Variants in SYN3 observed in about 807,000 individuals in gnomAD.
SYN3 encodes synapsin III, also known as synapsin-3.
Under a neutral mutation model 65.8 loss-of-function variants are expected in SYN3, and 35 were observed. That is an observed-to-expected ratio of 0.53 (90% confidence interval 0.41 to 0.70). SYN3 has a LOEUF of 0.70. Among genes scored for constraint, SYN3 ranks in the 30% least tolerant of loss-of-function variants. The probability of loss-of-function intolerance (pLI) is 0.00; values close to 1 mark genes in which losing one functional copy is unlikely to be tolerated. For synonymous variants in SYN3, 270 were observed against 292.9 expected (o/e 0.92, Z 0.80); for missense variants, 680 against 749.0 (o/e 0.91, Z 1.08).
chr22:32,897,901 C>A (rs1175972110), intron 4 of SYN3, among the ~76,000 whole-genome samples: 1 of 152,142 alleles, frequency 6.6e-6, no homozygotes, highest in African/African-American at 2.4e-5. Context: ...CTTGCTGCAG[C>A]CTTGAACTCC....
chr22:32,914,839 A>G (rs548723454), intron 4 of SYN3, among the ~76,000 whole-genome samples: 2 of 152,160 alleles, frequency 1.3e-5, no homozygotes, highest in Non-Finnish European at 2.9e-5. Context: ...TACATGTTTG[A>G]AAACAAAGGA....
At chr22:32,983,210 G>A (rs2052421353) in intron 2 of SYN3, among the ~76,000 whole-genome samples, 2 of 152,132 alleles carry the variant, frequency 1.3e-5, no homozygotes, top group South Asian at 4.1e-4. Flanking sequence ...TTTTCCCACA[G>A]TAAGAGAGTT....
chr22:32,997,487 C>A (rs73881928), intron 2 of SYN3, among the ~76,000 whole-genome samples: 2,070 of 152,250 alleles, frequency 0.014, 50 homozygotes, highest in African/African-American at 0.047. Context: ...CAAGTCCCAG[C>A]CCAGCCCCAC....
intron 1 of SYN3, chr22:33,015,433 G>T: frequency 6.8e-6 from 2 of 295,270 alleles, no homozygotes; most frequent in South Asian, 4.2e-5. Flanking sequence ...ATGAAACAAC[G>T]CTGTTATTCA....
intron 1 of SYN3, among the ~76,000 whole-genome samples, chr22:33,048,036 C>T (rs7291280): frequency 0.081 from 12,355 of 152,012 alleles, 763 homozygotes; most frequent in East Asian, 0.29. Context: ...GAATACTGTC[C>T]GGAGGAGGCA....
intron 7 of SYN3, among the ~76,000 whole-genome samples, chr22:32,589,557 C>T (rs2059099844): frequency 6.6e-6 from 1 of 152,272 alleles, no homozygotes; most frequent in African/African-American, 2.4e-5. Context: ...AGTTTCCTAA[C>T]TCTCTCATCT....
chr22:32,833,898 A>G, intron 6 of SYN3: 1 of 498,858 alleles, frequency 2.0e-6, no homozygotes. Flanking sequence ...GTAACTAATA[A>G]TAGTATTAGA....
At chr22:32,744,385 G>A (rs955208214) in intron 6 of SYN3, among the ~76,000 whole-genome samples, 11 of 152,112 alleles carry the variant, frequency 7.2e-5, no homozygotes, top group Non-Finnish European at 1.2e-4. Flanking sequence ...TATGAGAGCC[G>A]TTCCCTGTTA....
At chr22:32,525,190 G>T (rs2057955550) in intron 12 of SYN3, among the ~76,000 whole-genome samples, 1 of 152,214 alleles carries the variant, frequency 6.6e-6, no homozygotes, top group Non-Finnish European at 1.5e-5. Flanking sequence ...GAGTTTGGAA[G>T]TTGATTCCCA....
chr22:32,880,535 G>A (rs1443796455), intron 4 of SYN3, among the ~76,000 whole-genome samples: 1 of 152,158 alleles, frequency 6.6e-6, no homozygotes, highest in Non-Finnish European at 1.5e-5. Flanking sequence ...CCCCCTGGTG[G>A]GTGGTGGTGG....
At chr22:32,536,624 A>C (rs1263725936) in intron 9 of SYN3, among the ~76,000 whole-genome samples, 1 of 152,194 alleles carries the variant, frequency 6.6e-6, no homozygotes, top group Non-Finnish European at 1.5e-5. Context: ...CATGTGACCT[A>C]AGCCAGGCCA....
chr22:32,810,785 GT>G (rs2046896262), intron 6 of SYN3, among the ~76,000 whole-genome samples: 1 of 152,166 alleles, frequency 6.6e-6, no homozygotes, highest in African/African-American at 2.4e-5. Flanking sequence ...TGAAGACTTG[GT>G]TTCGTGACTT....
chr22:33,010,232 CAA>C (rs34426068), intron 1 of SYN3, among the ~76,000 whole-genome samples: 8 of 137,644 alleles, frequency 5.8e-5, no homozygotes, highest in Admixed American at 7.2e-5. Flanking sequence ...AACTCTGTCC[CAA>C]AAAAAAAAAA....
rs542710285 is a variant in SYN3 at position 32,790,881 on chromosome 22, C to T, written c.711+74034G>A. ...CATCGCAGACAAGTAATAGTAGCTA[C>T]GAGAAAAGGTCAAGGGAACGGAATG... On this transcript the variant is annotated intron_variant, in intron 6 of 13. Coordinates refer to ENST00000358763, the MANE Select transcript of SYN3 (RefSeq NM_003490.4). Among the ~76,000 whole-genome samples the T allele has an allele frequency of 1.5e-4, 23 of 152,056 alleles. No homozygotes were observed. In the East Asian group the frequency reaches 3.1e-3, roughly 20 times the overall value.
chr22:32,688,113 TGAA>T (rs2060615730), intron 6 of SYN3, among the ~76,000 whole-genome samples: 1 of 152,194 alleles, frequency 6.6e-6, no homozygotes. Flanking sequence ...CTCAATACGT[TGAA>T]TGCTGCTGAG....
At chr22:33,021,482 A>G (rs2053558580) in intron 1 of SYN3, among the ~76,000 whole-genome samples, 1 of 152,170 alleles carries the variant, frequency 6.6e-6, no homozygotes, top group Admixed American at 6.5e-5. Flanking sequence ...CTCTCCTACA[A>G]TGGTACATTA....
Position 32,518,125 on chromosome 22 carries a change from G to T in SYN3, c.1528C>A (p.Pro510Thr). ...CTACGGCCCTGCACAGGGGGCCGGG[G>T]CTGTGAGGCGAGGGTGGCACCTGGC... is the stretch of plus-strand genomic sequence containing the variant. ...SKPGATLASQ[P>T]RPPVQGRSTS... Residue 510 changes from proline to threonine, a missense_variant, in exon 13 of 14, where the codon CCC becomes ACC. Physicochemically the swap from Pro to Thr is conservative, Grantham distance 38. Transcript: ENST00000358763. 1 of 1,603,552 alleles carries T rather than the reference G, an allele frequency of 6.2e-7. No individual in the cohort carries two copies. Among genetic ancestry groups the T allele is most frequent in the Non-Finnish European group, 8.5e-7 (1 of 1,174,726 alleles).
chr22:32,603,238 C>T (rs1363696488), intron 6 of SYN3, among the ~76,000 whole-genome samples: 2 of 151,810 alleles, frequency 1.3e-5, no homozygotes, highest in African/African-American at 2.4e-5. Context: ...GCTGGCCGGG[C>T]GCGGTGGCTC....
At position 32,508,628 on chromosome 22, in the gene SYN3, A is replaced by AT. The variant is rs2146022374; in HGVS notation, c.*5063dup. Among the ~76,000 whole-genome samples the AT allele has an allele frequency of 6.6e-6, 1 of 152,058 alleles. No homozygotes were observed. The highest frequency in any genetic ancestry group is 2.4e-5 in the African/African-American group (1 of 41,482). ...TGATCTTCTTCCGCTTCTTTTCTCT[A>AT]TCTCATTTTACTGGGTTTTGGTTTG... On this transcript the variant is annotated 3_prime_UTR_variant, in exon 14 of 14. Coordinates refer to ENST00000358763, the MANE Select transcript of SYN3 (RefSeq NM_003490.4).
Sources: gnomAD v4.1 joint callset for allele counts (sites outside exome capture counted in the v4.1 genomes callset) on GRCh38, gnomAD v4.1.1 for gene constraint, MANE v1.5 for transcripts, NCBI Gene and HGNC (gene_info 2026-07-23, HGNC 2026-07-21) for gene names.